Variants in FHAD1 observed in about 807,000 individuals in gnomAD.
The protein encoded by FHAD1 is forkhead-associated domain-containing protein 1.
A neutral mutation model predicts 191.3 loss-of-function variants in FHAD1; 146 were observed. That is an observed-to-expected ratio of 0.76 (90% CI 0.67 to 0.88). The LOEUF is 0.88. Ranked by LOEUF, FHAD1 falls within the 40% of genes least tolerant of loss-of-function variation. The pLI, the probability that FHAD1 is intolerant of heterozygous loss-of-function variation, is 0.00. For missense variants in FHAD1, 1,635 were observed against 1,785.8 expected (o/e 0.92, Z 1.52); for synonymous variants, 616 against 672.3 (o/e 0.92, Z 1.29).
chr1:15,305,819 T>C (rs940603343), intron 6 of FHAD1: 1 of 434,348 alleles, frequency 2.3e-6, no homozygotes, highest in South Asian at 1.6e-5. Flanking sequence ...CATGTGGAAC[T>C]GTAAGTCCAA....
intron 2 of FHAD1, among the ~76,000 whole-genome samples, chr1:15,254,828 G>A (rs1927190): frequency 3.9e-5 from 6 of 151,934 alleles, no homozygotes; most frequent in Non-Finnish European, 7.4e-5. Context: ...ATCCTCTTCC[G>A]AAAGCTTAAA....
At chr1:15,359,699 A>G (rs1361525184) in intron 21 of FHAD1, among the ~76,000 whole-genome samples, 5 of 152,094 alleles carry the variant, frequency 3.3e-5, no homozygotes, top group African/African-American at 4.8e-5. Flanking sequence ...AAAAAAATAC[A>G]AAAATTAATG....
chr1:15,313,480 T>A lies in FHAD1; in HGVS notation c.1170+293T>A, dbSNP rs535856079. Among the ~76,000 whole-genome samples the A allele has an allele frequency of 1.2e-3, 183 of 152,316 alleles. 1 individual carries two copies. The highest frequency in any genetic ancestry group is 2.3e-3 in the Non-Finnish European group (159 of 68,036). ...GTAGCTTCAACTCCAGGAAACATTT[T>A]CTAATGCCCATTATAAATGAGTTTG... On this transcript the variant is annotated intron_variant, in intron 8 of 33. Transcript: ENST00000688493.
In FHAD1 at chr1:15,346,021, G is replaced by T. The variant is rs570987717; in HGVS notation, c.2346+498G>T. Reference sequence around the variant, plus strand: ...TGTGTCAAACTCTTACGCCCCGGAGGAGTATCAGTCCTCCGCCCTCCCCTG... The same window carrying T: ...TGTGTCAAACTCTTACGCCCCGGAGTAGTATCAGTCCTCCGCCCTCCCCTG... On this transcript the variant is annotated intron_variant, in intron 18 of 33. Coordinates refer to ENST00000688493, the MANE Select transcript of FHAD1 (RefSeq NM_001391957.1). 9.2e-5 allele frequency among the ~76,000 whole-genome samples: 14 copies of T among 152,248 alleles called. No homozygotes were observed. In the South Asian group the frequency reaches 2.5e-3, roughly 27 times the overall value.
intron 7 of FHAD1, among the ~76,000 whole-genome samples, chr1:15,310,227 C>A (rs540523253): frequency 6.6e-6 from 1 of 152,326 alleles, no homozygotes; most frequent in East Asian, 1.9e-4. Context: ...GAAAGCAGAG[C>A]GTAGCATTGA....
chr1:15,343,445 GC>G (rs1305594182), intron 16 of FHAD1, among the ~76,000 whole-genome samples: 2 of 149,396 alleles, frequency 1.3e-5, no homozygotes, highest in African/African-American at 5.0e-5. Flanking sequence ...TACTGGACCT[GC>G]CCCCTTCTCC....
At chr1:15,265,083 G>T (rs1652837946) in intron 2 of FHAD1, among the ~76,000 whole-genome samples, 1 of 152,140 alleles carries the variant, frequency 6.6e-6, no homozygotes, top group Non-Finnish European at 1.5e-5. Context: ...CTAATATTTT[G>T]TTGAAGATTT....
In FHAD1 at chr1:15,251,286, CA is replaced by C. The variant is rs956939838; in HGVS notation, c.-14-477del. Among the ~76,000 whole-genome samples the C allele has an allele frequency of 3.1e-5, 3 of 96,184 alleles. No individual in the cohort carries two copies. In the East Asian group the frequency reaches 7.5e-4, roughly 24 times the overall value. 63.1% of individuals were successfully genotyped at this position (96,184 alleles called of 152,430 possible). On this transcript the variant is annotated intron_variant, in intron 1 of 33. Transcript: ENST00000688493. ...GAGACCCTGTCTCAAAAAAAAAAAACAAAAAAAACCACCCATTTTATAGATG... is the reference window on the plus strand; with the variant it reads ...GAGACCCTGTCTCAAAAAAAAAAAACAAAAAAACCACCCATTTTATAGATG...
intron 4 of FHAD1, among the ~76,000 whole-genome samples, chr1:15,294,607 G>A (rs1179851951): frequency 1.3e-5 from 2 of 152,132 alleles, no homozygotes; most frequent in African/African-American, 4.8e-5. Flanking sequence ...TGGCCAGGCT[G>A]GTCTCGAACT....
Position 15,356,081 on chromosome 1 carries a change from A to G in FHAD1, c.2563-2029A>G, listed in dbSNP as rs11584152. Reference sequence around the variant, plus strand: ...AGCCTCAGCATCGATATCGATAACTACCGATTTATGACCAAGTTAGTGATT... The same window carrying G: ...AGCCTCAGCATCGATATCGATAACTGCCGATTTATGACCAAGTTAGTGATT... On this transcript the variant is annotated intron_variant, in intron 20 of 33. Coordinates refer to ENST00000688493, the MANE Select transcript of FHAD1 (RefSeq NM_001391957.1). Among the ~76,000 whole-genome samples, 684 of 152,282 alleles carry G rather than the reference A, an allele frequency of 4.5e-3. 8 individuals carry two copies. Among genetic ancestry groups the G allele is most frequent in the African/African-American group, 0.016 (660 of 41,560 alleles).
downstream of FHAD1, chr1:15,400,270 C>T (rs1234623352): frequency 4.6e-5 from 7 of 152,206 alleles, no homozygotes. Context: ...CAAAGAAATC[C>T]CTATCTATTT....
At chr1:15,294,237 C>G (rs78496000) in intron 4 of FHAD1, among the ~76,000 whole-genome samples, 8,724 of 152,264 alleles carry the variant, frequency 0.057, 265 homozygotes, top group East Asian at 0.12. Flanking sequence ...CTGGACTCTT[C>G]AAACAAAATG....
chr1:15,285,056 A>C (rs1415205986), intron 3 of FHAD1, among the ~76,000 whole-genome samples: 7 of 152,244 alleles, frequency 4.6e-5, no homozygotes, highest in Non-Finnish European at 1.0e-4. Context: ...GAGCTCAGCC[A>C]GGAGCCAGTT....
chr1:15,387,655 T>G (rs1428450624), intron 31 of FHAD1, among the ~76,000 whole-genome samples: 1 of 151,800 alleles, frequency 6.6e-6, no homozygotes, highest in Non-Finnish European at 1.5e-5. Context: ...GAGGGTGATG[T>G]AGGAGGATGG....
At position 15,277,987 on chromosome 1, in the gene FHAD1, G is replaced by A. The variant is rs553954243; in HGVS notation, c.300+5458G>A. ...CCATTTTACAGGTGAGGCACAAAAC[G>A]TAACACATTTTTCGGGGTTATAGAT... On this transcript the variant is annotated intron_variant, in intron 3 of 33. Coordinates refer to ENST00000688493, the MANE Select transcript of FHAD1 (RefSeq NM_001391957.1). Among the ~76,000 whole-genome samples the A allele has an allele frequency of 1.1e-4, 17 of 152,236 alleles. 1 individual carries two copies. In the South Asian group the frequency reaches 1.2e-3, roughly 11 times the overall value.
intron 3 of FHAD1, among the ~76,000 whole-genome samples, chr1:15,287,618 G>A (rs972629233): frequency 1.3e-5 from 2 of 152,168 alleles, no homozygotes; most frequent in Non-Finnish European, 2.9e-5. Context: ...CTCCCAGTCC[G>A]TCCTAAGGGG....
chr1:15,344,381 C>T (rs758438220), intron 16 of FHAD1, among the ~76,000 whole-genome samples: 7 of 152,172 alleles, frequency 4.6e-5, no homozygotes, highest in Non-Finnish European at 7.3e-5. Flanking sequence ...TTTCTTATTG[C>T]CAGTTGTTGA....
rs1691437024 is a variant in FHAD1, at chr1:15,353,053, C to T, written c.2562+69C>T. 9.9e-6 allele frequency: 12 copies of T among 1,210,038 alleles called. No homozygotes were observed. The South Asian group carries it at 1.6e-4, about 16-fold the overall frequency. 75.0% of individuals were successfully genotyped at this position (1,210,038 alleles called of 1,614,324 possible). ...CGAAGGGCAGTGCTCTAGAGCCAGG[C>T]TCTGGGTTCAAATCCTACCTCTCCC... On this transcript the variant is annotated intron_variant, in intron 20 of 33. Coordinates refer to ENST00000688493, the MANE Select transcript of FHAD1 (RefSeq NM_001391957.1).
intron 26 of FHAD1, 130 bp from the exon 27 acceptor site, chr1:15,374,372 C>T: frequency 1.9e-6 from 2 of 1,063,380 alleles, no homozygotes; most frequent in Non-Finnish European, 1.3e-6. Flanking sequence ...TCTGCTGAAG[C>T]CCTAATGCTA....
Sources: allele counts gnomAD v4.1 joint callset (sites outside exome capture counted in the v4.1 genomes callset), GRCh38; gene constraint gnomAD v4.1.1; transcripts MANE v1.5; gene names NCBI Gene and HGNC (gene_info 2026-07-23, HGNC 2026-07-21).